EPB41: variants seen among roughly 807,000 people sequenced by gnomAD.
The protein encoded by EPB41 is protein 4.1.
EPB41 carries 65 observed loss-of-function variants against 108.0 expected under a neutral mutation model. The ratio of observed to expected loss-of-function variants is 0.60; its 90% confidence interval spans 0.49 to 0.74. The LOEUF (loss-of-function observed/expected upper bound fraction) is 0.74. EPB41 is among the 30% of genes least tolerant of loss of function. The pLI is 0.00. For missense variants in EPB41, 875 were observed against 1,037.0 expected, an observed-to-expected ratio of 0.84 and a Z score of 2.15; for synonymous variants, 336 against 358.9, an observed-to-expected ratio of 0.94 and a Z score of 0.72.
At chr1:28,973,620 C>T (rs1192495909) in intron 1 of EPB41, among the ~76,000 whole-genome samples, 2 of 152,068 alleles carry the variant, frequency 1.3e-5, no homozygotes, top group Admixed American at 6.6e-5. Flanking sequence ...GTTTGGAACT[C>T]CTAGTCTCAA....
intron 1 of EPB41, among the ~76,000 whole-genome samples, chr1:28,931,830 G>A (rs568213317): frequency 2.6e-5 from 4 of 152,172 alleles, no homozygotes; most frequent in Non-Finnish European, 4.4e-5. Flanking sequence ...CACCGCGCCC[G>A]ACCAATGACT....
chr1:29,042,415 C>T (rs1019961355), intron 11 of EPB41, among the ~76,000 whole-genome samples: 1 of 152,124 alleles, frequency 6.6e-6, no homozygotes, highest in Non-Finnish European at 1.5e-5. Context: ...AAAAAGATCA[C>T]CTAAGCAGTA....
chr1:28,905,710 G>C (rs1435082897), intron 1 of EPB41, among the ~76,000 whole-genome samples: 1 of 152,114 alleles, frequency 6.6e-6, no homozygotes, highest in Non-Finnish European at 1.5e-5. Context: ...CTGAGCTGAT[G>C]AAGGGTGGGT....
chr1:29,108,148 C>CTT lies in EPB41; in HGVS notation c.2314-1172_2314-1171dup, dbSNP rs544874657. Among the ~76,000 whole-genome samples, 86 of 129,124 alleles carry CTT rather than the reference C, an allele frequency of 6.7e-4. 1 individual carries two copies. Among genetic ancestry groups the CTT allele is most frequent in the African/African-American group, 1.9e-3 (66 of 35,652 alleles). The allele number at this position is 129,124 out of a possible 152,430, so 84.7% of individuals were successfully genotyped here. ...GTGGCTATGTTCCTGCCTCTTATTT[C>CTT]TTTTTTTTTTTTTTTTTGAGACAGA... On this transcript the variant is annotated intron_variant, in intron 17 of 20. Coordinates refer to ENST00000343067, the MANE Select transcript of EPB41 (RefSeq NM_001376013.1).
intron 1 of EPB41, among the ~76,000 whole-genome samples, chr1:28,936,908 TG>T (rs1387877639): frequency 1.3e-5 from 2 of 152,214 alleles, no homozygotes; most frequent in African/African-American, 4.8e-5. Flanking sequence ...TATGTGTTTT[TG>T]GTTTTTGTGG....
intron 17 of EPB41, among the ~76,000 whole-genome samples, chr1:29,107,670 G>T (rs1667629086): frequency 6.6e-6 from 1 of 151,724 alleles, no homozygotes; most frequent in Admixed American, 6.6e-5. Context: ...GGCCAATATG[G>T]TGAAACTCCA....
At chr1:29,098,060 G>C in intron 17 of EPB41, 125 bp downstream of exon 17, 1 of 1,364,708 alleles carries the variant, frequency 7.3e-7, no homozygotes, top group Non-Finnish European at 1.0e-6. Context: ...CTTTTTAGAA[G>C]AGATTACTGG....
At chr1:28,988,308 A>G (rs1324112629) in intron 2 of EPB41, among the ~76,000 whole-genome samples, 6 of 152,208 alleles carry the variant, frequency 3.9e-5, no homozygotes, top group Non-Finnish European at 8.8e-5. Flanking sequence ...CTTACTAGCT[A>G]GTTGACTTAG....
At chr1:29,030,623 A>T in intron 8 of EPB41, 136 bp downstream of exon 8, 1 of 741,838 alleles carries the variant, frequency 1.3e-6, no homozygotes, top group Admixed American at 2.2e-5. Context: ...TTCAAAAGAG[A>T]TAGTAGACTG....
chr1:29,047,788 A>G (rs1226921431), intron 11 of EPB41, among the ~76,000 whole-genome samples: 1 of 150,502 alleles, frequency 6.6e-6, no homozygotes, highest in Non-Finnish European at 1.5e-5. Flanking sequence ...GTATGTATGT[A>G]TGTATGTATT....
At chr1:29,114,215 T>C (rs1670127814) in intron 19 of EPB41, among the ~76,000 whole-genome samples, 1 of 152,144 alleles carries the variant, frequency 6.6e-6, no homozygotes, top group Non-Finnish European at 1.5e-5. Context: ...GTGTTTTTGC[T>C]CTTTTGACTT....
At chr1:28,930,897 C>A (rs2093708963) in intron 1 of EPB41, among the ~76,000 whole-genome samples, 1 of 152,040 alleles carries the variant, frequency 6.6e-6, no homozygotes, top group Non-Finnish European at 1.5e-5. Context: ...AAATAATACC[C>A]AAGATCCATG....
At chr1:29,010,659 G>A (rs746929154) in intron 4 of EPB41, among the ~76,000 whole-genome samples, 14 of 152,280 alleles carry the variant, frequency 9.2e-5, no homozygotes, top group Middle Eastern at 3.4e-3. Context: ...TCTACCATGG[G>A]TTGAGGAGCC....
intron 1 of EPB41, among the ~76,000 whole-genome samples, chr1:28,983,613 G>A (rs1013285244): frequency 1.3e-5 from 2 of 152,114 alleles, no homozygotes; most frequent in Non-Finnish European, 2.9e-5. Context: ...AGGAGCGTGC[G>A]AGTGAACGAG....
At chr1:29,011,645 T>C (rs182847260) in intron 4 of EPB41, among the ~76,000 whole-genome samples, 117 of 152,352 alleles carry the variant, frequency 7.7e-4, no homozygotes, top group Non-Finnish European at 1.2e-3. Context: ...CTAAAGTCAC[T>C]CAGCCAGGAA....
intron 16 of EPB41, among the ~76,000 whole-genome samples, chr1:29,067,188 C>G (rs1159442408): frequency 6.7e-6 from 1 of 148,892 alleles, no homozygotes; most frequent in Non-Finnish European, 1.5e-5. Context: ...AACCCCATCT[C>G]TACTAAAAAT....
chr1:28,940,889 C>T lies in EPB41; in HGVS notation c.-8+26121C>T, dbSNP rs544017027. Reference sequence around the variant, plus strand: ...TCCATTGTGTTGCTTGATAAGAAAACGAAAGCACTGACATTTACTTTTCTT... The same window carrying T: ...TCCATTGTGTTGCTTGATAAGAAAATGAAAGCACTGACATTTACTTTTCTT... On this transcript the variant is annotated intron_variant, in intron 1 of 20. Transcript: ENST00000343067. 5.3e-5 allele frequency among the ~76,000 whole-genome samples: 8 copies of T among 152,054 alleles called. No homozygotes were observed. The South Asian group carries it at 1.2e-3, about 24-fold the overall frequency.
At chr1:29,088,174 G>A (rs1426144272) in intron 16 of EPB41, among the ~76,000 whole-genome samples, 1 of 151,580 alleles carries the variant, frequency 6.6e-6, no homozygotes, top group Non-Finnish European at 1.5e-5. Context: ...AGCCTCTTGA[G>A]TAGCTGGGAT....
rs1021484463 is a variant in EPB41, at chr1:29,118,264, C to T, written c.*1452C>T. The T allele has an allele frequency of 3.9e-5, 6 of 152,138 alleles. No individual in the cohort carries two copies. Among genetic ancestry groups the T allele is most frequent in the African/African-American group, 7.2e-5 (3 of 41,426 alleles). 9.4% of individuals were successfully genotyped at this position (152,138 alleles called of 1,614,324 possible). ...CTGGGATGACAGGCGCACACCACCA[C>T]GCCCAGCAAATTTTTTGTATTTTTA... On this transcript the variant is annotated 3_prime_UTR_variant, in exon 21 of 21. Transcript: ENST00000343067.
Sources: gnomAD v4.1 joint callset for allele counts (sites outside exome capture counted in the v4.1 genomes callset) on GRCh38, gnomAD v4.1.1 for gene constraint, MANE v1.5 for transcripts, NCBI Gene and HGNC (gene_info 2026-07-23, HGNC 2026-07-21) for gene names.